PGM3: variants seen among roughly 807,000 people sequenced by gnomAD.
The protein encoded by PGM3 is phosphoacetylglucosamine mutase.
PGM3 carries 40 observed loss-of-function variants against 66.2 expected under a neutral mutation model. The observed-to-expected ratio is 0.60, with a 90% CI of 0.47 to 0.79. The LOEUF is 0.79. Ranked by LOEUF, PGM3 falls within the 30% of genes least tolerant of loss-of-function variation. The pLI, the probability that PGM3 is intolerant of heterozygous loss-of-function variation, is 0.00. For missense variants in PGM3, 537 were observed against 643.4 expected, an observed-to-expected ratio of 0.83 and a Z score of 1.79; for synonymous variants, 191 against 224.2, an observed-to-expected ratio of 0.85 and a Z score of 1.32.
downstream of PGM3, chr6:83,164,800 A>G (rs1012030055): frequency 5.2e-6 from 6 of 1,156,486 alleles, no homozygotes; most frequent in African/African-American, 7.7e-5. Flanking sequence ...CTGAATGTCA[A>G]CAAGTACAAG....
At chr6:83,159,583 G>A (rs766938429), downstream of PGM3, among the ~76,000 whole-genome samples, 8 of 152,098 alleles carry the variant, frequency 5.3e-5, no homozygotes, top group Non-Finnish European at 7.4e-5. Flanking sequence ...AAGCCACTGC[G>A]CCCAGTCTAT....
chr6:83,167,079 A>C lies in PGM3; in HGVS notation c.*2155T>G, dbSNP rs1785907032. The C allele has an allele frequency of 1.0e-6, 1 of 983,960 alleles. No homozygotes were observed. The highest frequency in any genetic ancestry group is 1.7e-5 in the African/African-American group (1 of 57,196). The allele number at this position is 983,960 out of a possible 1,614,324, so 61.0% of individuals were successfully genotyped here. A position where few individuals can be genotyped will look rare whatever the true frequency, so the allele number is the denominator to read the frequency against. Reference sequence around the variant, plus strand: ...TTCTCAAACTAGCCTCTTAATACCCAAATTATTAGTCTTTATATTTAGTTG... The same window carrying C: ...TTCTCAAACTAGCCTCTTAATACCCCAATTATTAGTCTTTATATTTAGTTG... On this transcript the variant is annotated 3_prime_UTR_variant, in exon 13 of 13. Transcript: ENST00000513973.
rs1299450046 is a variant in PGM3, at chr6:83,182,844, C to T, written c.591+1G>A. 6.2e-7 allele frequency: 1 copy of T among 1,613,040 alleles called. No individual in the cohort carries two copies. Among genetic ancestry groups the T allele is most frequent in the Non-Finnish European group, 8.5e-7 (1 of 1,179,492 alleles). ...TTAACCATGTTCAATAAACTTTTCA[C>T]CTGTTTGGTGAGTTCCACAAAAGCC... On this transcript the variant is annotated splice_donor_variant, in intron 5 of 12. Transcript: ENST00000513973. LOFTEE classifies it high-confidence loss of function.
downstream of PGM3, among the ~76,000 whole-genome samples, chr6:83,160,507 A>G (rs980071201): frequency 3.3e-5 from 5 of 152,240 alleles, no homozygotes; most frequent in African/African-American, 1.2e-4. Flanking sequence ...ACAGCTAAGG[A>G]AAGAAGTGAT....
chr6:83,159,653 T>G (rs962831903), downstream of PGM3: 3 of 900,278 alleles, frequency 3.3e-6, no homozygotes, highest in Admixed American at 7.1e-5. Context: ...ACAGTGACAT[T>G]TCATCATGAC....
At position 83,186,190 on chromosome 6, in the gene PGM3, C is replaced by T. The variant is rs117990277; in HGVS notation, c.457+818G>A. ...GCCACAGAGGTCCCTGGTTAATAAT[C>T]CCTACTTTACAATACCCACCAGATT... On this transcript the variant is annotated intron_variant, in intron 4 of 12. Transcript: ENST00000513973. Among the ~76,000 whole-genome samples the T allele has an allele frequency of 5.3e-3, 808 of 152,218 alleles. 2 individuals are homozygous for T. The highest frequency in any genetic ancestry group is 8.3e-3 in the Non-Finnish European group (563 of 68,024).
chr6:83,166,281 T>A lies in PGM3; in HGVS notation c.*2953A>T, dbSNP rs1362014032. On this transcript the variant is annotated 3_prime_UTR_variant, in exon 13 of 13. Transcript: ENST00000513973. ...CAGCTCTCTTATAGTTGTAAGAGGA[T>A]CAGCTTCGATGATGTTCTCAATTGG... 1 of 582,830 alleles carries A rather than the reference T, an allele frequency of 1.7e-6. No individual in the cohort carries two copies. Among genetic ancestry groups the A allele is most frequent in the Non-Finnish European group, 3.1e-6 (1 of 327,002 alleles). The allele number at this position is 582,830 out of a possible 1,614,324, so 36.1% of individuals were successfully genotyped here.
Position 83,166,055 on chromosome 6 carries a change from T to C in PGM3, c.*3179A>G. On this transcript the variant is annotated 3_prime_UTR_variant, in exon 13 of 13. Transcript: ENST00000513973. ...GGTCATCGCCAGTTGTCGTATAAAA[T>C]CCACCTTTTGGCACACATCACAATC... is the stretch of plus-strand genomic sequence containing the variant. The C allele has an allele frequency of 3.4e-6, 1 of 297,850 alleles. No homozygotes were observed. Among genetic ancestry groups the C allele is most frequent in the East Asian group, 6.8e-5 (1 of 14,706 alleles). 18.5% of individuals were successfully genotyped at this position (297,850 alleles called of 1,614,324 possible).
chr6:83,171,834 G>A lies in PGM3; in HGVS notation c.1365+103C>T, dbSNP rs1214052248. On this transcript the variant is annotated intron_variant, in intron 11 of 12. Transcript: ENST00000513973. ...TCTATGTATCATATGTGTATGTACA[G>A]AATGAAATAGGAAACATATGTCAGT... is the stretch of plus-strand genomic sequence containing the variant. 6.4e-6 allele frequency: 6 copies of A among 939,430 alleles called. No homozygotes were observed. The African/African-American group carries it at 9.8e-5, about 15-fold the overall frequency. The allele number at this position is 939,430 out of a possible 1,614,324, so 58.2% of individuals were successfully genotyped here. A position where few individuals can be genotyped will look rare whatever the true frequency, so the allele number is the denominator to read the frequency against.
rs1785513483 is a variant in PGM3, at chr6:83,166,229, T to C, written c.*3005A>G. 3.9e-6 allele frequency: 2 copies of C among 512,526 alleles called. No individual in the cohort carries two copies. The highest frequency in any genetic ancestry group is 6.9e-6 in the Non-Finnish European group (2 of 291,026). The allele number at this position is 512,526 out of a possible 1,614,324, so 31.7% of individuals were successfully genotyped here. A position where few individuals can be genotyped will look rare whatever the true frequency, so the allele number is the denominator to read the frequency against. On this transcript the variant is annotated 3_prime_UTR_variant, in exon 13 of 13. Transcript: ENST00000513973. The stretch of plus-strand genomic sequence containing the variant: ...ATTTGCTTCAAATGCCGAACGACCA[T>C]AAAATGGTCAACATTGAGTTCTTGG...
At chr6:83,187,211 A>C in intron 3 of PGM3, 136 bp from the exon 4 acceptor site, 5 of 540,504 alleles carry the variant, frequency 9.3e-6, no homozygotes, top group Non-Finnish European at 6.7e-6. Context: ...GAAAGCTATG[A>C]ACTCTCAAGA....
At chr6:83,179,726 G>T in intron 7 of PGM3, 84 bp downstream of exon 7, 1 of 1,020,204 alleles carries the variant, frequency 9.8e-7, no homozygotes, top group Non-Finnish European at 1.4e-6. Context: ...CATAAATTGT[G>T]CCCTTCTGAC....
Position 83,168,647 on chromosome 6 carries a change from G to T in PGM3, c.*587C>A. On this transcript the variant is annotated 3_prime_UTR_variant, in exon 13 of 13. Transcript: ENST00000513973. Reference sequence around the variant, plus strand: ...GAGCAGTGAAGAATAACTGAAGGCTGGACCATGCATCCTTAAAAGTATTGC... The same window carrying T: ...GAGCAGTGAAGAATAACTGAAGGCTTGACCATGCATCCTTAAAAGTATTGC... 1.0e-6 allele frequency: 1 copy of T among 995,910 alleles called. No individual in the cohort carries two copies. The allele number at this position is 995,910 out of a possible 1,614,324, so 61.7% of individuals were successfully genotyped here. A position where few individuals can be genotyped will look rare whatever the true frequency, so the allele number is the denominator to read the frequency against.
chr6:83,163,245 A>G (rs182224213), downstream of PGM3, among the ~76,000 whole-genome samples: 1 of 152,316 alleles, frequency 6.6e-6, no homozygotes, highest in Admixed American at 6.5e-5. Context: ...GTGAGTATTT[A>G]AGACTGTAGT....
chr6:83,170,370 G>A lies in PGM3; in HGVS notation c.1474C>T (p.Arg492Ter), dbSNP rs144104577. The change falls in exon 12 of 13, where the codon CGA becomes TGA. Residue 492 changes from arginine (R) to a stop codon, truncating the protein, a stop_gained. Coordinates refer to ENST00000513973, the MANE Select transcript of PGM3 (RefSeq NM_015599.3). LOFTEE classifies it high-confidence loss of function. Reference protein sequence around the residue: ...NDLVKKYKLSRAFVRPSGTED... With the variant: ...NDLVKKYKLS The stretch of plus-strand genomic sequence containing the variant: ...GTACCAGAGGGCCGGACAAAAGCTC[G>A]AGAAAGCTTGTACTTCTTCACCAGG... 2.8e-5 allele frequency: 45 copies of A among 1,613,952 alleles called. No homozygotes were observed. The highest frequency in any genetic ancestry group is 3.5e-5 in the Non-Finnish European group (41 of 1,179,986).
At chr6:83,157,617 A>G (rs1783093230), downstream of PGM3, among the ~76,000 whole-genome samples, 1 of 152,226 alleles carries the variant, frequency 6.6e-6, no homozygotes, top group South Asian at 2.1e-4. Flanking sequence ...CATGGCCTAC[A>G]GTCCTGACAA....
At chr6:83,159,996 G>C, downstream of PGM3, 1 of 1,605,094 alleles carries the variant, frequency 6.2e-7, no homozygotes, top group East Asian at 2.2e-5. Context: ...GGTTATTTTT[G>C]AAAGTGCATT....
the PGM3 span, among the ~76,000 whole-genome samples, chr6:83,155,725 C>A: frequency 6.6e-6 from 1 of 152,198 alleles, no homozygotes; most frequent in Non-Finnish European, 1.5e-5. Context: ...CTAAAACCTA[C>A]AGTTCTAAAT....
At position 83,189,086 on chromosome 6, in the gene PGM3, C is replaced by T. The variant is rs9444040; in HGVS notation, c.205-288G>A. Among the ~76,000 whole-genome samples the T allele has an allele frequency of 0.03, 4,524 of 152,240 alleles. 166 individuals are homozygous for T. The highest frequency in any genetic ancestry group is 0.084 in the East Asian group (436 of 5,178). On this transcript the variant is annotated intron_variant, in intron 2 of 12. Transcript: ENST00000513973. ...GTTAGGTAATTTGCTTATGATCATA[C>T]AGCTAACAAATGTCAGTACTGATAT...
Sources: gnomAD v4.1 joint callset for allele counts (sites outside exome capture counted in the v4.1 genomes callset) on GRCh38, gnomAD v4.1.1 for gene constraint, MANE v1.5 for transcripts, NCBI Gene and HGNC (gene_info 2026-07-23, HGNC 2026-07-21) for gene names.